SERGEF: variants seen among roughly 807,000 people sequenced by gnomAD.
SERGEF encodes the protein secretion regulating guanine nucleotide exchange factor.
In SERGEF, 51 loss-of-function variants were observed where a neutral mutation model predicts 50.0. The ratio of observed to expected loss-of-function variants is 1.02; its 90% CI spans 0.81 to 1.29. SERGEF has a LOEUF of 1.29. Ranked by LOEUF, SERGEF falls within the 50% of genes most tolerant of loss-of-function variation. SERGEF has a pLI of 0.00. For missense variants in SERGEF, 521 were observed against 557.0 expected, an observed-to-expected ratio of 0.94 and a Z score of 0.65; for synonymous variants, 205 against 212.4, an observed-to-expected ratio of 0.97 and a Z score of 0.30.
rs191721372 is a variant in SERGEF at position 17,933,240 on chromosome 11, T to C, written c.1011+26230A>G. Among the ~76,000 whole-genome samples, 6 of 152,302 alleles carry C rather than the reference T, an allele frequency of 3.9e-5. 1 individual carries two copies. The East Asian group carries it at 1.2e-3, about 29-fold the overall frequency. On this transcript the variant is annotated intron_variant, in intron 9 of 10. Coordinates refer to ENST00000265965, the MANE Select transcript of SERGEF (RefSeq NM_012139.4). Reference sequence around the variant, plus strand: ...AATCCATCTAAAGATAGTTCATTTCTATCATCTTTCATTTTAAATGGAGGT... The same window carrying C: ...AATCCATCTAAAGATAGTTCATTTCCATCATCTTTCATTTTAAATGGAGGT...
At chr11:17,996,604 C>T (rs568224873) in intron 5 of SERGEF, among the ~76,000 whole-genome samples, 1 of 152,266 alleles carries the variant, frequency 6.6e-6, no homozygotes, top group South Asian at 2.1e-4. Context: ...ATTTGATCTA[C>T]ACTCAGGTGT....
chr11:17,913,279 C>CA (rs1310597751), intron 9 of SERGEF, among the ~76,000 whole-genome samples: 1 of 152,236 alleles, frequency 6.6e-6, no homozygotes, highest in East Asian at 1.9e-4. Context: ...ACACATATGG[C>CA]ATGCTTGCCT....
intron 8 of SERGEF, among the ~76,000 whole-genome samples, chr11:17,973,044 T>G (rs747347289): frequency 1.3e-5 from 2 of 151,122 alleles, no homozygotes; most frequent in Non-Finnish European, 2.9e-5. Flanking sequence ...TGCACCCAGC[T>G]GTTGATGAGG....
chr11:17,925,701 T>C (rs181324036), intron 9 of SERGEF, among the ~76,000 whole-genome samples: 3 of 152,210 alleles, frequency 2.0e-5, no homozygotes, highest in Admixed American at 2.0e-4. Flanking sequence ...TACAAAAATG[T>C]TTTGCATTAA....
chr11:18,002,937 C>A (rs1853995626), intron 4 of SERGEF, among the ~76,000 whole-genome samples: 1 of 152,094 alleles, frequency 6.6e-6, no homozygotes, highest in East Asian at 1.9e-4. Flanking sequence ...ATATTTTAAC[C>A]ATTGTTCCTC....
At chr11:17,860,869 G>A (rs1367347850) in intron 10 of SERGEF, among the ~76,000 whole-genome samples, 1 of 152,220 alleles carries the variant, frequency 6.6e-6, no homozygotes, top group Non-Finnish European at 1.5e-5. Flanking sequence ...GTGAGACAGT[G>A]TAAGAGTTGA....
chr11:17,916,930 G>A (rs11024431), intron 9 of SERGEF, among the ~76,000 whole-genome samples: 1 of 152,154 alleles, frequency 6.6e-6, no homozygotes, highest in South Asian at 2.1e-4. Flanking sequence ...ATTTGAATAC[G>A]GATGCAGTGA....
intron 9 of SERGEF, among the ~76,000 whole-genome samples, chr11:17,879,587 T>C (rs964891343): frequency 1.3e-5 from 2 of 152,226 alleles, no homozygotes; most frequent in African/African-American, 2.4e-5. Context: ...TGATTCCTTA[T>C]TGAATGAGAT....
intron 10 of SERGEF, among the ~76,000 whole-genome samples, chr11:17,866,527 G>A (rs533550449): frequency 7.9e-5 from 12 of 152,038 alleles, no homozygotes; most frequent in South Asian, 2.1e-4. Context: ...TTGAGAGAGA[G>A]GGAGTCTTGC....
intron 9 of SERGEF, among the ~76,000 whole-genome samples, chr11:17,906,584 C>T (rs571505360): frequency 3.3e-5 from 5 of 152,186 alleles, no homozygotes; most frequent in Admixed American, 1.3e-4. Context: ...CCTGCCGCCT[C>T]TGCGCCGCCT....
At chr11:17,819,168 T>C (rs1473827863) in intron 10 of SERGEF, among the ~76,000 whole-genome samples, 7 of 152,236 alleles carry the variant, frequency 4.6e-5, no homozygotes, top group South Asian at 2.1e-4. Context: ...GATCTTCATA[T>C]ACACCAATCA....
intron 9 of SERGEF, among the ~76,000 whole-genome samples, chr11:17,923,540 G>A (rs888004058): frequency 1.3e-5 from 2 of 152,180 alleles, no homozygotes; most frequent in Admixed American, 6.5e-5. Flanking sequence ...TTCCTCACAC[G>A]CTTGCTGCAG....
At chr11:17,846,514 T>C in intron 10 of SERGEF, 2 of 361,620 alleles carry the variant, frequency 5.5e-6, no homozygotes, top group South Asian at 4.2e-5. Context: ...GAGAACACCA[T>C]CTTTGTATTT....
intron 10 of SERGEF, among the ~76,000 whole-genome samples, chr11:17,875,872 A>C (rs1851229509): frequency 6.6e-6 from 1 of 152,228 alleles, no homozygotes; most frequent in South Asian, 2.1e-4. Flanking sequence ...GGGACACAGC[A>C]CCAGGCACTG....
rs58279017 is a variant in SERGEF, at chr11:17,888,628, TACACACACACACACACACACACACAC to T, written c.1012-10410_1012-10385del. ...AGTTATCAGTATGAACTCACAGTTTTACACACACACACACACACACACACACACACACACACACACACACACACACG... is the reference window on the plus strand; with the variant it reads ...AGTTATCAGTATGAACTCACAGTTTTACACACACACACACACACACACACG... On this transcript the variant is annotated intron_variant, in intron 9 of 10. Transcript: ENST00000265965. The surrounding 1 kb of genome is among the most constrained non-coding windows in gnomAD (Gnocchi z 4.1). 7.0e-5 allele frequency among the ~76,000 whole-genome samples: 10 copies of T among 143,878 alleles called. No individual in the cohort carries two copies. The highest frequency in any genetic ancestry group is 2.2e-4 in the East Asian group (1 of 4,638). 94.4% of individuals were successfully genotyped at this position (143,878 alleles called of 152,430 possible).
intron 10 of SERGEF, among the ~76,000 whole-genome samples, chr11:17,815,436 T>TAAAAAAAAAAA (rs763972184): frequency 9.2e-6 from 1 of 108,364 alleles, no homozygotes; most frequent in Non-Finnish European, 1.8e-5. Flanking sequence ...CCATCTCTAC[T>TAAAAAAAAAAA]AAAAAAAAAA....
At chr11:17,971,387 G>A (rs1424481242) in intron 8 of SERGEF, among the ~76,000 whole-genome samples, 2 of 152,146 alleles carry the variant, frequency 1.3e-5, no homozygotes, top group African/African-American at 4.8e-5. Context: ...TAACTATCTA[G>A]GGCTAATGCA....
chr11:17,880,354 T>C (rs1043066969), intron 9 of SERGEF, among the ~76,000 whole-genome samples: 16 of 152,188 alleles, frequency 1.1e-4, no homozygotes, highest in Non-Finnish European at 1.9e-4. Flanking sequence ...CAGGAAGATA[T>C]TTCGATTGAA....
chr11:17,981,899 CA>C (rs1853502991), intron 8 of SERGEF, among the ~76,000 whole-genome samples: 1 of 152,152 alleles, frequency 6.6e-6, no homozygotes, highest in African/African-American at 2.4e-5. Flanking sequence ...CTCCTGGGCT[CA>C]AGCCATCCTC....
Sources: allele counts gnomAD v4.1 joint callset (sites outside exome capture counted in the v4.1 genomes callset), GRCh38; gene constraint gnomAD v4.1.1; non-coding constraint Gnocchi (gnomAD v3.1); transcripts MANE v1.5; gene names NCBI Gene and HGNC (gene_info 2026-07-23, HGNC 2026-07-21).